CDH18: variants seen among roughly 807,000 people sequenced by gnomAD.
CDH18 encodes cadherin-18.
CDH18 carries 31 observed loss-of-function variants against 67.9 expected under a neutral mutation model. The ratio of observed to expected loss-of-function variants is 0.46; its 90% CI spans 0.34 to 0.62. CDH18 has a LOEUF of 0.62. Among genes scored for constraint, CDH18 ranks in the 20% least tolerant of loss-of-function variants. CDH18 has a pLI of 0.01. For missense variants in CDH18, 890 were observed against 975.5 expected, an observed-to-expected ratio of 0.91 and a Z score of 1.17; for synonymous variants, 362 against 347.2, an observed-to-expected ratio of 1.04 and a Z score of -0.48.
chr5:19,668,970 C>G (rs548649461), intron 5 of CDH18, among the ~76,000 whole-genome samples: 6 of 151,098 alleles, frequency 4.0e-5, no homozygotes, highest in Non-Finnish European at 8.9e-5. Flanking sequence ...AAATATGGTT[C>G]TTTTCCCACT....
chr5:20,382,166 T>G (rs1743959941), intron 1 of CDH18, among the ~76,000 whole-genome samples: 1 of 152,140 alleles, frequency 6.6e-6, no homozygotes, highest in African/African-American at 2.4e-5. Flanking sequence ...AAATACCAGA[T>G]AGAGCAGAAT....
chr5:19,974,019 T>C (rs77284252), intron 2 of CDH18, among the ~76,000 whole-genome samples: 1,844 of 152,236 alleles, frequency 0.012, 54 homozygotes, highest in African/African-American at 0.042. Flanking sequence ...TAAATCATTA[T>C]AGAAGAGATC....
chr5:20,134,364 A>T (rs1412382405), intron 2 of CDH18, among the ~76,000 whole-genome samples: 1 of 152,142 alleles, frequency 6.6e-6, no homozygotes, highest in Non-Finnish European at 1.5e-5. Context: ...GTTTCTACTT[A>T]CATACAATCA....
chr5:20,241,042 T>C (rs901541398), intron 2 of CDH18, among the ~76,000 whole-genome samples: 1 of 152,176 alleles, frequency 6.6e-6, no homozygotes, highest in Non-Finnish European at 1.5e-5. Flanking sequence ...TTAGAACAAT[T>C]TCAAAGCATT....
intron 10 of CDH18, among the ~76,000 whole-genome samples, chr5:19,508,865 C>CTTTTTTTTTTTTT (rs35438564): frequency 1.6e-5 from 2 of 127,608 alleles, no homozygotes; most frequent in Non-Finnish European, 3.3e-5. Flanking sequence ...TCTTTCTTTT[C>CTTTTTTTTTTTTT]TTTTTTTTTT....
At chr5:20,218,806 T>A (rs1561886417) in intron 2 of CDH18, among the ~76,000 whole-genome samples, 1 of 151,882 alleles carries the variant, frequency 6.6e-6, no homozygotes, top group South Asian at 2.1e-4. Context: ...GGAACTTAAG[T>A]CCAGTTAAAC....
chr5:19,663,198 C>T (rs181840067), intron 5 of CDH18, among the ~76,000 whole-genome samples: 148 of 151,866 alleles, frequency 9.7e-4, no homozygotes, highest in African/African-American at 3.5e-3. Context: ...TTCCAAATAA[C>T]GACAGAATTT....
intron 1 of CDH18, among the ~76,000 whole-genome samples, chr5:20,393,098 G>A (rs534146844): frequency 2.6e-5 from 4 of 151,824 alleles, no homozygotes; most frequent in Admixed American, 1.3e-4. Context: ...TAGATCTAAC[G>A]GTATATGAGG....
intron 2 of CDH18, among the ~76,000 whole-genome samples, chr5:19,911,890 C>T (rs760638049): frequency 6.6e-6 from 1 of 152,086 alleles, no homozygotes; most frequent in Non-Finnish European, 1.5e-5. Context: ...TTGCATAAGG[C>T]ATAAAACAGG....
At chr5:20,301,062 C>A (rs1318991727) in intron 1 of CDH18, among the ~76,000 whole-genome samples, 1 of 152,064 alleles carries the variant, frequency 6.6e-6, no homozygotes, top group African/African-American at 2.4e-5. Flanking sequence ...ATTCTAATAT[C>A]TTTATGGGAG....
intron 5 of CDH18, among the ~76,000 whole-genome samples, chr5:19,624,219 C>T (rs2150152773): frequency 6.6e-6 from 1 of 151,904 alleles, no homozygotes; most frequent in Middle Eastern, 3.5e-3. Flanking sequence ...GTTGGCCAGG[C>T]TGGTCTTGAA....
intron 1 of CDH18, among the ~76,000 whole-genome samples, chr5:20,350,038 C>T (rs1182401729): frequency 6.6e-6 from 1 of 151,972 alleles, no homozygotes; most frequent in African/African-American, 2.4e-5. Flanking sequence ...AAGCCTGGCT[C>T]AAAAAATATT....
At chr5:19,597,063 G>T (rs1746292555) in intron 6 of CDH18, among the ~76,000 whole-genome samples, 1 of 152,204 alleles carries the variant, frequency 6.6e-6, no homozygotes, top group Non-Finnish European at 1.5e-5. Context: ...CAAAAAGACT[G>T]TGGCTTCTAT....
intron 5 of CDH18, 37 bp from the exon 6 acceptor site, chr5:19,612,638 T>C (rs1749178234): frequency 2.1e-6 from 3 of 1,457,748 alleles, no homozygotes; most frequent in African/African-American, 1.4e-5. Flanking sequence ...GTATGAGCTA[T>C]ATAATAAGCA....
chr5:19,797,023 A>G (rs1162860878), intron 3 of CDH18, among the ~76,000 whole-genome samples: 3 of 152,010 alleles, frequency 2.0e-5, no homozygotes, highest in Non-Finnish European at 4.4e-5. Context: ...AAGATATATA[A>G]TAAAATAGCA....
At chr5:19,561,160 A>G (rs1739384430) in intron 8 of CDH18, among the ~76,000 whole-genome samples, 1 of 152,164 alleles carries the variant, frequency 6.6e-6, no homozygotes, top group African/African-American at 2.4e-5. Context: ...ACTCCTGGGT[A>G]TCTACCCATA....
chr5:19,488,849 GAC>G (rs1169667820), intron 11 of CDH18, among the ~76,000 whole-genome samples: 8 of 152,112 alleles, frequency 5.3e-5, no homozygotes, highest in African/African-American at 1.9e-4. Flanking sequence ...CGTATTCTCT[GAC>G]TTCCCTTTCT....
chr5:19,992,933 C>A (rs576495486), upstream of CDH18, among the ~76,000 whole-genome samples: 3 of 152,150 alleles, frequency 2.0e-5, no homozygotes, highest in East Asian at 5.8e-4. Flanking sequence ...CTGTAGTAAG[C>A]AACTACCTAA....
chr5:20,362,604 T>C (rs1742171702), intron 1 of CDH18, among the ~76,000 whole-genome samples: 1 of 152,166 alleles, frequency 6.6e-6, no homozygotes, highest in African/African-American at 2.4e-5. Context: ...GTAAAGGAAG[T>C]AGATGTCAGA....
Sources: allele counts gnomAD v4.1 joint callset (sites outside exome capture counted in the v4.1 genomes callset), GRCh38; gene constraint gnomAD v4.1.1; transcripts MANE v1.5; gene names NCBI Gene and HGNC (gene_info 2026-07-23, HGNC 2026-07-21).